Variants in ANK2 observed in about 807,000 individuals in gnomAD.
ANK2 encodes the protein ankyrin-2.
A neutral mutation model predicts 360.5 loss-of-function variants in ANK2; 83 were observed. The ratio of observed to expected loss-of-function variants is 0.23; its 90% CI spans 0.19 to 0.28. The LOEUF (loss-of-function observed/expected upper bound fraction) is 0.28. Ranked by LOEUF, ANK2 falls within the 10% of genes least tolerant of loss-of-function variation. ANK2 has a pLI of 1.00. For synonymous variants in ANK2, 1,740 were observed against 1,759.5 expected, an observed-to-expected ratio of 0.99 and a Z score of 0.28; for missense variants, 4,201 against 4,795.7, an observed-to-expected ratio of 0.88 and a Z score of 3.66.
intron 1 of ANK2, among the ~76,000 whole-genome samples, chr4:112,833,781 G>A (rs1416603649): frequency 6.6e-6 from 1 of 152,174 alleles, no homozygotes; most frequent in Non-Finnish European, 1.5e-5. Flanking sequence ...GGGATTACAG[G>A]CGTGAGCCAC....
At chr4:112,952,710 C>A (rs1196728174) in intron 2 of ANK2, among the ~76,000 whole-genome samples, 1 of 152,126 alleles carries the variant, frequency 6.6e-6, no homozygotes, top group African/African-American at 2.4e-5. Flanking sequence ...AATTATTGAG[C>A]AAAATTATTA....
At chr4:113,263,629 C>T (rs865920426) in intron 13 of ANK2, among the ~76,000 whole-genome samples, 1 of 152,154 alleles carries the variant, frequency 6.6e-6, no homozygotes, top group Non-Finnish European at 1.5e-5. Context: ...GTTTGTTGTA[C>T]AAGGAATCAG....
chr4:113,187,221 A>G (rs2098548144), intron 2 of ANK2, among the ~76,000 whole-genome samples: 2 of 152,178 alleles, frequency 1.3e-5, no homozygotes, highest in African/African-American at 4.8e-5. Flanking sequence ...GAAAAAGAGA[A>G]TTTGCAATGT....
At chr4:112,784,614 A>T in the ANK2 span, among the ~76,000 whole-genome samples, 835 of 152,072 alleles carry the variant, frequency 5.5e-3, 4 homozygotes, top group African/African-American at 0.018. Flanking sequence ...AAGTGCTGGG[A>T]TTACAAGCGT....
At chr4:112,863,601 C>A (rs780523540) in intron 1 of ANK2, among the ~76,000 whole-genome samples, 2 of 146,450 alleles carry the variant, frequency 1.4e-5, no homozygotes, top group Non-Finnish European at 3.0e-5. Flanking sequence ...CGGCTCACTG[C>A]AAGCTCCGCC....
chr4:113,046,189 G>A (rs1483919965), upstream of ANK2, among the ~76,000 whole-genome samples: 1 of 152,128 alleles, frequency 6.6e-6, no homozygotes, highest in Non-Finnish European at 1.5e-5. Context: ...AAATGTCAGA[G>A]AGATATTTAC....
chr4:112,780,479 T>A, the ANK2 span, among the ~76,000 whole-genome samples: 2 of 152,206 alleles, frequency 1.3e-5, no homozygotes, highest in African/African-American at 4.8e-5. Context: ...AATTCTAATA[T>A]ATGTTGAGTT....
chr4:113,078,727 G>A (rs1372955338), intron 1 of ANK2, among the ~76,000 whole-genome samples: 3 of 152,136 alleles, frequency 2.0e-5, no homozygotes, highest in Non-Finnish European at 4.4e-5. Flanking sequence ...TGAATGCAGA[G>A]CCTCTGCTGC....
At chr4:113,021,530 C>CACACA (rs1554056651) in intron 2 of ANK2, among the ~76,000 whole-genome samples, 71 of 13,078 alleles carry the variant, frequency 5.4e-3, no homozygotes, top group African/African-American at 0.015. Context: ...ACACACACAC[C>CACACA]CACACACAAA....
intron 1 of ANK2, among the ~76,000 whole-genome samples, chr4:112,829,489 T>TAAAAAAAAAAAAAAAAAAA (rs2059192165): frequency 6.1e-5 from 1 of 16,418 alleles, no homozygotes; most frequent in African/African-American, 6.4e-4. Context: ...AGCCCATCTC[T>TAAAAAAAAAAAAAAAAAAA]ACAAAAAAAA....
At chr4:112,707,719 A>G in the ANK2 span, among the ~76,000 whole-genome samples, 1 of 152,234 alleles carries the variant, frequency 6.6e-6, no homozygotes, top group African/African-American at 2.4e-5. Flanking sequence ...ATTAATAAAC[A>G]GAATATGTGC....
intron 5 of ANK2, among the ~76,000 whole-genome samples, 195 bp from the exon 6 acceptor site, chr4:113,236,792 T>C (rs770957749): frequency 7.2e-5 from 11 of 152,248 alleles, no homozygotes; most frequent in Non-Finnish European, 1.5e-4. Context: ...GAATAGAAAT[T>C]AGGAAAGCCG....
At chr4:113,002,097 A>G (rs145480776) in intron 2 of ANK2, among the ~76,000 whole-genome samples, 28 of 152,298 alleles carry the variant, frequency 1.8e-4, no homozygotes, top group Non-Finnish European at 3.2e-4. Context: ...ATATGTATAC[A>G]TGTGACATGC....
intron 1 of ANK2, among the ~76,000 whole-genome samples, chr4:113,107,540 A>T (rs564073206): frequency 6.6e-6 from 1 of 152,232 alleles, no homozygotes. Context: ...ATCATTACCA[A>T]ATAGTCATAA....
chr4:112,730,983 CA>C, the ANK2 span, among the ~76,000 whole-genome samples: 2 of 150,204 alleles, frequency 1.3e-5, no homozygotes, highest in African/African-American at 2.4e-5. Flanking sequence ...ACTAAAAATA[CA>C]AAAAAAAATT....
At chr4:112,858,975 C>T (rs1648939242) in intron 1 of ANK2, among the ~76,000 whole-genome samples, 1 of 152,174 alleles carries the variant, frequency 6.6e-6, no homozygotes, top group Non-Finnish European at 1.5e-5. Flanking sequence ...TCTTCTGTAC[C>T]TACAAACATT....
At chr4:112,712,442 CTG>C in the ANK2 span, among the ~76,000 whole-genome samples, 1 of 121,110 alleles carries the variant, frequency 8.3e-6, no homozygotes, top group South Asian at 2.7e-4. Context: ...GAGTTTCGCT[CTG>C]TCGCCCAGGC....
At chr4:113,301,714 A>G (rs561205102) in intron 22 of ANK2, among the ~76,000 whole-genome samples, 178 of 152,250 alleles carry the variant, frequency 1.2e-3, no homozygotes, top group East Asian at 4.3e-3. Context: ...TTCCACATAT[A>G]AGTGAGATTA....
At chr4:112,898,002 G>C (rs765730786) in intron 1 of ANK2, among the ~76,000 whole-genome samples, 1 of 151,988 alleles carries the variant, frequency 6.6e-6, no homozygotes, top group Non-Finnish European at 1.5e-5. Context: ...AGATCAAACA[G>C]GTGAGAAAAT....
Sources: gnomAD v4.1 joint callset for allele counts (sites outside exome capture counted in the v4.1 genomes callset) on GRCh38, gnomAD v4.1.1 for gene constraint, MANE v1.5 for transcripts, NCBI Gene and HGNC (gene_info 2026-07-23, HGNC 2026-07-21) for gene names.